LRRC8A: variants seen among roughly 807,000 people sequenced by gnomAD.
LRRC8A encodes volume-regulated anion channel subunit LRRC8A.
Under a neutral mutation model 52.5 loss-of-function variants are expected in LRRC8A, and 24 were observed. The observed-to-expected ratio is 0.46, with a 90% CI of 0.33 to 0.64. The LOEUF is 0.64. LRRC8A is among the 30% of genes least tolerant of loss of function. The pLI is 0.02. For missense variants in LRRC8A, 677 were observed against 1,094.7 expected (o/e 0.62, Z 5.38); for synonymous variants, 492 against 494.2 (o/e 1.00, Z 0.06).
At position 128,916,294 on chromosome 9, in the gene LRRC8A, G is replaced by T. The variant is rs1840816199; in HGVS notation, c.2356G>T (p.Val786Leu). 1.2e-6 allele frequency: 2 copies of T among 1,613,254 alleles called. No individual in the cohort carries two copies. Among genetic ancestry groups the T allele is most frequent in the African/African-American group, 1.3e-5 (1 of 74,914 alleles). Reference protein sequence around the residue: ...CPLLKRSGLVVEEDLFNTLPP... With the variant: ...CPLLKRSGLVLEEDLFNTLPP... ...ACTGCTCAAGCGCAGCGGCTTGGTG[G>T]TGGAGGAGGACCTGTTCAACACACT... The change falls in exon 4 of 4, where the codon GTG (valine) becomes TTG (leucine). Residue 786 changes from valine (V) to leucine (L), a missense_variant. Transcript: ENST00000372600. The surrounding 1 kb of genome is among the most constrained non-coding windows in gnomAD (Gnocchi z 6.1).
chr9:128,897,663 G>A (rs1415230046), intron 2 of LRRC8A, among the ~76,000 whole-genome samples: 1 of 152,014 alleles, frequency 6.6e-6, no homozygotes, highest in Non-Finnish European at 1.5e-5. Flanking sequence ...TCCTGCCTCA[G>A]CCTTCCAAGT....
chr9:128,896,830 T>A (rs538030598), intron 2 of LRRC8A, among the ~76,000 whole-genome samples: 3 of 152,208 alleles, frequency 2.0e-5, no homozygotes, highest in Non-Finnish European at 4.4e-5. Flanking sequence ...CAAGGGATTC[T>A]CCTGCCTCAG....
rs201119308 is a variant in LRRC8A at position 128,908,163 on chromosome 9, C to T, written c.999C>T (p.Gly333=). The change falls in exon 3 of 4, where the codon GGC becomes GGT. Residue 333 remains glycine, a synonymous_variant. Transcript: ENST00000372600. The stretch of plus-strand genomic sequence containing the variant: ...ACATCAGCCTAGTCATCTTCTACGG[C>T]CTCATCTGCATGTATACACTGTGGT... ...SFYISLVIFY[G]LICMYTLWWM... 1.7e-5 allele frequency: 27 copies of T among 1,614,056 alleles called. No homozygotes were observed. In the South Asian group the frequency reaches 2.6e-4, roughly 16 times the overall value.
At chr9:128,903,473 C>T (rs1173848251) in intron 2 of LRRC8A, among the ~76,000 whole-genome samples, 1 of 146,676 alleles carries the variant, frequency 6.8e-6, no homozygotes, top group Non-Finnish European at 1.5e-5. Context: ...AGTGCAGTGG[C>T]GTGATCTCGG....
Position 128,902,889 on chromosome 9 carries a change from G to A in LRRC8A, c.-8-4268G>A, listed in dbSNP as rs1222569413. 1.3e-5 allele frequency among the ~76,000 whole-genome samples: 2 copies of A among 152,176 alleles called. No individual in the cohort carries two copies. The highest frequency in any genetic ancestry group is 2.1e-4 in the South Asian group (1 of 4,834). On this transcript the variant is annotated intron_variant, in intron 2 of 3. Coordinates refer to ENST00000372600, the MANE Select transcript of LRRC8A (RefSeq NM_019594.4). The surrounding 1 kb of genome is among the most constrained non-coding windows in gnomAD (Gnocchi z 4.1). ...TGGCCTGGAGCTGCCAGCCCAGGGC[G>A]GGCGGTGGTGTCTGCTGGCCCCTTT...
intron 2 of LRRC8A, among the ~76,000 whole-genome samples, chr9:128,906,379 A>T (rs189497355): frequency 0.015 from 2,114 of 141,010 alleles, 41 homozygotes; most frequent in African/African-American, 0.048. Context: ...CTGGAGTGCA[A>T]TGGCACAATC....
chr9:128,884,748 C>G (rs1166584569), intron 1 of LRRC8A, among the ~76,000 whole-genome samples: 1 of 152,048 alleles, frequency 6.6e-6, no homozygotes, highest in Non-Finnish European at 1.5e-5. Flanking sequence ...AGTGGGTGCC[C>G]CATCCTTGAC....
chr9:128,909,083 GC>G lies in LRRC8A; in HGVS notation c.1921del (p.Leu641SerfsTer29). 1 of 1,614,022 alleles carries G rather than the reference GC, an allele frequency of 6.2e-7. No individual in the cohort carries two copies. The highest frequency in any genetic ancestry group is 8.5e-7 in the Non-Finnish European group (1 of 1,180,010). On this transcript the variant is annotated frameshift_variant, in exon 3 of 4. Coordinates refer to ENST00000372600, the MANE Select transcript of LRRC8A (RefSeq NM_019594.4). LOFTEE classifies it high-confidence loss of function. ...ATCATCAGCTTCCAGCACCTGCACCGCCTCACCTGCCTTAAGCTGTGGTACA... is the reference window on the plus strand; with the variant it reads ...ATCATCAGCTTCCAGCACCTGCACCGCTCACCTGCCTTAAGCTGTGGTACA... ...EEIISFQHLH[R>X]LTCLKLWYNH...
rs1030507607 is a variant in LRRC8A at position 128,892,254 on chromosome 9, C to G, written c.-9+6133C>G. Among the ~76,000 whole-genome samples the G allele has an allele frequency of 6.6e-6, 1 of 152,212 alleles. No homozygotes were observed. The highest frequency in any genetic ancestry group is 1.5e-5 in the Non-Finnish European group (1 of 68,028). ...CGGTCAGTAACTGGGCGCTCCTGCC[C>G]CAGCCTGGCAGGGCGAGGGCAGGTC... On this transcript the variant is annotated intron_variant, in intron 2 of 3. Coordinates refer to ENST00000372600, the MANE Select transcript of LRRC8A (RefSeq NM_019594.4). The surrounding 1 kb of genome is among the most constrained non-coding windows in gnomAD (Gnocchi z 5.2).
Position 128,916,561 on chromosome 9 carries a change from T to A in LRRC8A, c.*190T>A. 1 of 700,952 alleles carries A rather than the reference T, an allele frequency of 1.4e-6. No individual in the cohort carries two copies. Among genetic ancestry groups the A allele is most frequent in the Non-Finnish European group, 2.3e-6 (1 of 434,700 alleles). 43.4% of individuals were successfully genotyped at this position (700,952 alleles called of 1,614,324 possible). A position where few individuals can be genotyped will look rare whatever the true frequency, so the allele number is the denominator to read the frequency against. On this transcript the variant is annotated 3_prime_UTR_variant, in exon 4 of 4. Transcript: ENST00000372600. The surrounding 1 kb of genome is among the most constrained non-coding windows in gnomAD (Gnocchi z 6.1). Reference sequence around the variant, plus strand: ...CTGTGGGGCTGGCCCCTTTTCTCCCTCTGAGACTCACGTCCCCCAGGGCAA... The same window carrying A: ...CTGTGGGGCTGGCCCCTTTTCTCCCACTGAGACTCACGTCCCCCAGGGCAA...
chr9:128,902,644 T>C lies in LRRC8A; in HGVS notation c.-8-4513T>C, dbSNP rs1840072333. Among the ~76,000 whole-genome samples, 1 of 152,102 alleles carries C rather than the reference T, an allele frequency of 6.6e-6. No homozygotes were observed. Among genetic ancestry groups the C allele is most frequent in the Non-Finnish European group, 1.5e-5 (1 of 68,006 alleles). On this transcript the variant is annotated intron_variant, in intron 2 of 3. Transcript: ENST00000372600. This position sits in a 1 kb window ranked among gnomAD's most constrained non-coding sequence, Gnocchi z 4.1. ...CGGGCTCCTCTCCTCCCTCTTCTGT[T>C]CCCCAGTCTTTAGGTCCTGGCCCTG...
rs866051635 is a variant in LRRC8A, at chr9:128,892,665, G to C, written c.-9+6544G>C. ...AGGGTGGAGGCTGTGTGTGCCAGAC[G>C]AGGCTGAGACCTCTCCTCCCACTCT... On this transcript the variant is annotated intron_variant, in intron 2 of 3. Transcript: ENST00000372600. This position sits in a 1 kb window ranked among gnomAD's most constrained non-coding sequence, Gnocchi z 5.2. 6.6e-6 allele frequency among the ~76,000 whole-genome samples: 1 copy of C among 152,192 alleles called. No homozygotes were observed. Among genetic ancestry groups the C allele is most frequent in the Non-Finnish European group, 1.5e-5 (1 of 68,026 alleles).
At chr9:128,910,750 T>C (rs1374782698) in intron 3 of LRRC8A, among the ~76,000 whole-genome samples, 1 of 152,120 alleles carries the variant, frequency 6.6e-6, no homozygotes, top group African/African-American at 2.4e-5. Flanking sequence ...TGGGGGAACT[T>C]ACTTACAGGG....
chr9:128,909,313 G>A lies in LRRC8A; in HGVS notation c.2149G>A (p.Ala717Thr). 6.2e-7 allele frequency: 1 copy of A among 1,612,558 alleles called. No individual in the cohort carries two copies. Among genetic ancestry groups the A allele is most frequent in the Non-Finnish European group, 8.5e-7 (1 of 1,179,744 alleles). Reference protein sequence around the residue: ...LQNLQNLAITANRIETLPPEL... With the variant: ...LQNLQNLAITTNRIETLPPEL... ...GAACCTCCAGAACCTAGCCATCACG[G>A]CCAACCGGGTGAGTGGCCCGGCCAC... Residue 717 changes from alanine to threonine, a missense_variant, in exon 3 of 4, where the codon GCC becomes ACC. Coordinates refer to ENST00000372600, the MANE Select transcript of LRRC8A (RefSeq NM_019594.4).
rs543596940 is a variant in LRRC8A at position 128,901,320 on chromosome 9, G to A, written c.-8-5837G>A. The stretch of plus-strand genomic sequence containing the variant: ...TTGACTAAAATATGAAAAATTAGCC[G>A]GCCGTGGTGGTGGCGCGCCTGTAGT... On this transcript the variant is annotated intron_variant, in intron 2 of 3. Coordinates refer to ENST00000372600, the MANE Select transcript of LRRC8A (RefSeq NM_019594.4). Among the ~76,000 whole-genome samples the A allele has an allele frequency of 5.7e-4, 87 of 152,068 alleles. 1 individual carries two copies. Among genetic ancestry groups the A allele is most frequent in the South Asian group, 4.4e-3 (21 of 4,814 alleles).
At position 128,889,486 on chromosome 9, in the gene LRRC8A, T is replaced by G. The variant is rs568679399; in HGVS notation, c.-9+3365T>G. The stretch of plus-strand genomic sequence containing the variant: ...CTGGGACTGGACAGGTTTTTTTTTT[T>G]TTGTTTAATTAATTAATTAATTATT... On this transcript the variant is annotated intron_variant, in intron 2 of 3. Coordinates refer to ENST00000372600, the MANE Select transcript of LRRC8A (RefSeq NM_019594.4). 4.4e-3 allele frequency among the ~76,000 whole-genome samples: 675 copies of G among 151,720 alleles called. 13 individuals are homozygous for G. The highest frequency in any genetic ancestry group is 0.041 in the East Asian group (211 of 5,160).
chr9:128,913,374 G>A (rs750225216), intron 3 of LRRC8A, among the ~76,000 whole-genome samples: 1 of 152,196 alleles, frequency 6.6e-6, no homozygotes, highest in Non-Finnish European at 1.5e-5. Flanking sequence ...TTTCAGTGCC[G>A]ATGGGGACCC....
intron 2 of LRRC8A, among the ~76,000 whole-genome samples, chr9:128,906,801 G>T (rs1840270546): frequency 2.0e-5 from 3 of 152,286 alleles, no homozygotes; most frequent in Non-Finnish European, 4.4e-5. Flanking sequence ...CATTAAATAG[G>T]TGGACTTTAG....
At chr9:128,901,206 TG>T (rs1027083069) in intron 2 of LRRC8A, among the ~76,000 whole-genome samples, 1 of 151,696 alleles carries the variant, frequency 6.6e-6, no homozygotes, top group Non-Finnish European at 1.5e-5. Flanking sequence ...GGCTCATGCC[TG>T]TAATCCCAGC....
Sources: allele counts gnomAD v4.1 joint callset (sites outside exome capture counted in the v4.1 genomes callset), GRCh38; gene constraint gnomAD v4.1.1; non-coding constraint Gnocchi (gnomAD v3.1); transcripts MANE v1.5; gene names NCBI Gene and HGNC (gene_info 2026-07-23, HGNC 2026-07-21).